The following KAT6A variants were observed in gnomAD, a reference collection of about 807,000 sequenced individuals.
KAT6A encodes lysine acetyltransferase 6A.
KAT6A carries 9 observed loss-of-function variants against 198.4 expected under a neutral mutation model. The ratio of observed to expected loss-of-function variants is 0.05; its 90% CI spans 0.03 to 0.08. The LOEUF (loss-of-function observed/expected upper bound fraction) is 0.08, where lower values mean the gene tolerates loss of function less well. KAT6A is among the 10% of genes least tolerant of loss of function. The pLI is 1.00. For missense variants in KAT6A, 2,077 were observed against 2,509.9 expected, an observed-to-expected ratio of 0.83 and a Z score of 3.69; for synonymous variants, 890 against 883.0, an observed-to-expected ratio of 1.01 and a Z score of -0.14.
At chr8:42,025,735 G>C (rs1826782412) in intron 2 of KAT6A, among the ~76,000 whole-genome samples, 1 of 152,002 alleles carries the variant, frequency 6.6e-6, no homozygotes, top group African/African-American at 2.4e-5. Context: ...TGTTTTCTTT[G>C]TTGGGCAGTA....
At chr8:42,023,311 A>C (rs1342481654) in intron 2 of KAT6A, among the ~76,000 whole-genome samples, 2 of 152,174 alleles carry the variant, frequency 1.3e-5, no homozygotes, top group Non-Finnish European at 2.9e-5. Context: ...CAAACTTTAT[A>C]AACACTGAAC....
At chr8:41,967,249 G>A (rs892941566) in intron 8 of KAT6A, among the ~76,000 whole-genome samples, 1 of 118,796 alleles carries the variant, frequency 8.4e-6, no homozygotes, top group African/African-American at 3.4e-5. Context: ...GAATACAAAC[G>A]CGTCTTTCTT....
intron 9 of KAT6A, 78 bp downstream of exon 9, chr8:41,955,217 CA>C (rs1340686478): frequency 1.1e-6 from 1 of 889,288 alleles, no homozygotes; most frequent in African/African-American, 1.6e-5. Context: ...AAGGTGGACT[CA>C]AACATCTTCA....
Position 41,934,791 on chromosome 8 carries a change from G to A in KAT6A, c.3429C>T (p.Ser1143=). 2 of 1,613,894 alleles carry A rather than the reference G, an allele frequency of 1.2e-6. No homozygotes were observed. Among genetic ancestry groups the A allele is most frequent in the Non-Finnish European group, 8.5e-7 (1 of 1,179,992 alleles). Residue 1143 remains serine, a synonymous_variant, in exon 17 of 17, where the codon TCC becomes TCT. Coordinates refer to ENST00000265713, the MANE Select transcript of KAT6A (RefSeq NM_006766.5). ...ATCCCTTTTTCTTTTTCAAAGGTGT[G>A]GATGTATCTGGCTCAAGAGGAGAAT... ...VKNSPLEPDT[S]TPLKKKKGWP...
Position 41,933,390 on chromosome 8 carries a change from G to A in KAT6A, c.4830C>T (p.Ala1610=), listed in dbSNP as rs773454712. 6.2e-7 allele frequency: 1 copy of A among 1,606,908 alleles called. No individual in the cohort carries two copies. Among genetic ancestry groups the A allele is most frequent in the Admixed American group, 1.7e-5 (1 of 59,832 alleles). ...TCATGCTGCAGCTGCTGCCCATGCT[G>A]GCCATCTGCTGAGTGACCACACAGC... ...QSSCVVTQQM[A]SMGSSCSMMQ... The change falls in exon 17 of 17, where the codon GCC becomes GCT. Residue 1610 remains alanine, a synonymous_variant. Transcript: ENST00000265713. The surrounding 1 kb of genome is among the most constrained non-coding windows in gnomAD (Gnocchi z 6.2).
chr8:41,999,543 T>G (rs1825383951), intron 2 of KAT6A, among the ~76,000 whole-genome samples: 1 of 152,190 alleles, frequency 6.6e-6, no homozygotes, highest in Non-Finnish European at 1.5e-5. Context: ...TAAATACTAT[T>G]TTTATCCAGT....
chr8:41,932,129 T>C lies in KAT6A; in HGVS notation c.*76A>G. The C allele has an allele frequency of 7.9e-7, 1 of 1,259,260 alleles. No homozygotes were observed. The highest frequency in any genetic ancestry group is 1.0e-6 in the Non-Finnish European group (1 of 979,996). 78.0% of individuals were successfully genotyped at this position (1,259,260 alleles called of 1,614,324 possible). A position where few individuals can be genotyped will look rare whatever the true frequency, so the allele number is the denominator to read the frequency against. ...AATATTTTAACTGGAAAAAGGTCCA[T>C]TTTTCTCTGGTTTGTCAGTATAAAA... is the stretch of plus-strand genomic sequence containing the variant. On this transcript the variant is annotated 3_prime_UTR_variant, in exon 17 of 17. Transcript: ENST00000265713.
rs912306853 is a variant in KAT6A at position 41,959,175 on chromosome 8, A to G, written c.1483-3764T>C. On this transcript the variant is annotated intron_variant, in intron 8 of 16. Transcript: ENST00000265713. The stretch of plus-strand genomic sequence containing the variant: ...GACTGTCTCGAAAAAAAAAAAAAAA[A>G]AAAAAGTTGGAAAAGTTTCTTTCCA... 1.0e-3 allele frequency among the ~76,000 whole-genome samples: 152 copies of G among 152,044 alleles called. 2 individuals carry two copies. Among genetic ancestry groups the G allele is most frequent in the African/African-American group, 3.5e-3 (146 of 41,474 alleles).
At chr8:41,937,221 A>C in intron 16 of KAT6A, 35 bp downstream of exon 16, 1 of 1,550,654 alleles carries the variant, frequency 6.4e-7, no homozygotes, top group Non-Finnish European at 8.8e-7. Flanking sequence ...ATCTGAAGAC[A>C]ATAAACCACA....
intron 2 of KAT6A, among the ~76,000 whole-genome samples, chr8:42,001,801 T>C (rs1167765076): frequency 6.6e-6 from 1 of 152,178 alleles, no homozygotes; most frequent in Non-Finnish European, 1.5e-5. Flanking sequence ...CAAGCCTCAG[T>C]TGTCAGCTAT....
At chr8:42,024,177 G>A (rs569485989) in intron 2 of KAT6A, among the ~76,000 whole-genome samples, 1 of 152,308 alleles carries the variant, frequency 6.6e-6, no homozygotes, top group Non-Finnish European at 1.5e-5. Flanking sequence ...ATACATAATA[G>A]TATGTGCTAA....
intron 8 of KAT6A, among the ~76,000 whole-genome samples, chr8:41,963,571 C>G (rs754816544): frequency 6.6e-5 from 10 of 152,286 alleles, no homozygotes; most frequent in Non-Finnish European, 1.3e-4. Context: ...TCTCTTCTAC[C>G]TTCATTTAGG....
chr8:41,955,299 G>A lies in KAT6A; in HGVS notation c.1595C>T (p.Ser532Leu). The change falls in exon 9 of 17, where the codon TCA becomes TTA. Residue 532 changes from serine to leucine, a missense_variant. Coordinates refer to ENST00000265713, the MANE Select transcript of KAT6A (RefSeq NM_006766.5). ...WYSSPYPQEY[S>L]RLPKLYLCEF... ...TCAAGGGTCTCTCAAAACATACCTT[G>A]AGTATTCTTGAGGATATGGGGAGGA... is the stretch of plus-strand genomic sequence containing the variant. 1 of 1,568,858 alleles carries A rather than the reference G, an allele frequency of 6.4e-7. No homozygotes were observed. The highest frequency in any genetic ancestry group is 8.8e-7 in the Non-Finnish European group (1 of 1,138,760).
intron 12 of KAT6A, among the ~76,000 whole-genome samples, chr8:41,944,231 A>G (rs1822273407): frequency 6.6e-6 from 1 of 152,218 alleles, no homozygotes; most frequent in African/African-American, 2.4e-5. Flanking sequence ...CCTTGTTAAA[A>G]TATTCGAAGT....
rs778081993 is a variant in KAT6A at position 41,941,066 on chromosome 8, T to G, written c.2815A>C (p.Arg939=). 1.2e-6 allele frequency: 2 copies of G among 1,614,208 alleles called. No individual in the cohort carries two copies. Among genetic ancestry groups the G allele is most frequent in the Non-Finnish European group, 1.7e-6 (2 of 1,180,032 alleles). Residue 939 remains arginine, a synonymous_variant, in exon 15 of 17, where the codon AGA becomes CGA. Coordinates refer to ENST00000265713, the MANE Select transcript of KAT6A (RefSeq NM_006766.5). The part of the protein sequence containing the change: ...QDGKPDLPKR[R]LSEGVEPWRG... ...CAGGGCTCAACCCCCTCACTGAGTCTTCTCTTGGGAAGGTCAGGTTTCCCG... is the reference window on the plus strand; with the variant it reads ...CAGGGCTCAACCCCCTCACTGAGTCGTCTCTTGGGAAGGTCAGGTTTCCCG...
At chr8:42,007,948 C>T (rs1319388002) in intron 2 of KAT6A, among the ~76,000 whole-genome samples, 9 of 112,696 alleles carry the variant, frequency 8.0e-5, no homozygotes, top group South Asian at 2.7e-4. Flanking sequence ...GGCGACAGAG[C>T]GAGACTCCGT....
chr8:41,936,709 A>G (rs1821871807), intron 16 of KAT6A, among the ~76,000 whole-genome samples: 1 of 152,244 alleles, frequency 6.6e-6, no homozygotes, highest in Non-Finnish European at 1.5e-5. Context: ...GAAATTTACT[A>G]CTAGTTGGGT....
At chr8:42,006,148 C>T (rs1243902660) in intron 2 of KAT6A, among the ~76,000 whole-genome samples, 2 of 152,180 alleles carry the variant, frequency 1.3e-5, no homozygotes, top group East Asian at 1.9e-4. Context: ...GGAATAAAAA[C>T]GAATTTTAAG....
chr8:41,964,417 AC>A (rs1823355704), intron 8 of KAT6A, among the ~76,000 whole-genome samples: 1 of 152,112 alleles, frequency 6.6e-6, no homozygotes, highest in Non-Finnish European at 1.5e-5. Context: ...CCTTTCCAAA[AC>A]CTACAGTGAA....
Sources: gnomAD v4.1 joint callset for allele counts (sites outside exome capture counted in the v4.1 genomes callset) on GRCh38, gnomAD v4.1.1 for gene constraint, Gnocchi (gnomAD v3.1) non-coding constraint, MANE v1.5 for transcripts, NCBI Gene and HGNC (gene_info 2026-07-23, HGNC 2026-07-21) for gene names.